AVEN: variants seen among roughly 807,000 people sequenced by gnomAD.
AVEN encodes apoptosis and caspase activation inhibitor.
In AVEN, 41 loss-of-function variants were observed where a neutral mutation model predicts 38.1. That is an observed-to-expected ratio of 1.08 (90% CI 0.84 to 1.40). The LOEUF (loss-of-function observed/expected upper bound fraction) is 1.40, where lower values mean the gene tolerates loss of function less well. Among genes scored for constraint, AVEN ranks in the 40% most tolerant of loss-of-function variants. The pLI is 0.00. For synonymous variants in AVEN, 206 were observed against 171.8 expected, an observed-to-expected ratio of 1.20 and a Z score of -1.56; for missense variants, 605 against 438.8, an observed-to-expected ratio of 1.38 and a Z score of -3.38.
intron 2 of AVEN, among the ~76,000 whole-genome samples, chr15:33,939,706 T>TG (rs1894239435): frequency 6.6e-6 from 1 of 152,220 alleles, no homozygotes; most frequent in Non-Finnish European, 1.5e-5. Context: ...TCTAAAATTC[T>TG]ATAAGCCTTC....
chr15:33,870,907 C>T (rs368621597), intron 4 of AVEN, 28 bp downstream of exon 4: 52 of 1,569,964 alleles, frequency 3.3e-5, no homozygotes, highest in African/African-American at 8.1e-5. Context: ...CTAATCCACC[C>T]GCTTCAAGAG....
rs1567382240 is a variant in AVEN, at chr15:33,866,666, T to TGGAGGTACTTGGTTGCTCA, written c.1017_1035dup (p.Lys346Ter). On this transcript the variant is annotated stop_gained and frameshift_variant, in exon 6 of 6. Coordinates refer to ENST00000306730, the MANE Select transcript of AVEN (RefSeq NM_020371.3). LOFTEE classifies it high-confidence loss of function. ...TCCAGCTCTTCCTCGGTAACATTTT[T>TGGAGGTACTTGGTTGCTCA]GGAGGTACTTGGTTGCTCAGGTTCC... 3 of 1,614,008 alleles carry TGGAGGTACTTGGTTGCTCA rather than the reference T, an allele frequency of 1.9e-6. No individual in the cohort carries two copies. Among genetic ancestry groups the TGGAGGTACTTGGTTGCTCA allele is most frequent in the Non-Finnish European group, 2.5e-6 (3 of 1,179,966 alleles).
Position 33,873,470 on chromosome 15 carries a change from T to G in AVEN, c.517-2440A>C, listed in dbSNP as rs553531877. ...GGTATAAGGAACAACAAATTACATA[T>G]ATGTGTGTGTGTACATATATATAAT... On this transcript the variant is annotated intron_variant, in intron 3 of 5. Transcript: ENST00000306730. 2.0e-5 allele frequency among the ~76,000 whole-genome samples: 3 copies of G among 148,674 alleles called. No individual in the cohort carries two copies. The South Asian group carries it at 6.3e-4, about 31-fold the overall frequency.
chr15:34,041,068 C>A (rs1597382073), upstream of AVEN, among the ~76,000 whole-genome samples: 1 of 152,042 alleles, frequency 6.6e-6, no homozygotes, highest in East Asian at 1.9e-4. Flanking sequence ...GACATTTGCA[C>A]AAATCGGAGT....
At chr15:33,931,658 C>A (rs764356420) in intron 2 of AVEN, among the ~76,000 whole-genome samples, 2 of 152,002 alleles carry the variant, frequency 1.3e-5, no homozygotes, top group Non-Finnish European at 2.9e-5. Flanking sequence ...CGTGAGCCAC[C>A]GCGCCCGGCC....
At chr15:33,965,541 C>A (rs1895352379) in intron 2 of AVEN, among the ~76,000 whole-genome samples, 1 of 151,980 alleles carries the variant, frequency 6.6e-6, no homozygotes, top group African/African-American at 2.4e-5. Context: ...CAAAAAAGGA[C>A]CTTGTAAAAG....
chr15:33,892,537 A>G (rs150952729), intron 2 of AVEN, among the ~76,000 whole-genome samples: 124,600 of 152,068 alleles, frequency 0.82, 55,147 homozygotes, highest in Non-Finnish European at 0.98. Context: ...AGATGGTTGT[A>G]GATGTGTGGT....
At chr15:34,037,181 C>A (rs970331818) in intron 1 of AVEN, among the ~76,000 whole-genome samples, 2 of 151,896 alleles carry the variant, frequency 1.3e-5, no homozygotes, top group Non-Finnish European at 2.9e-5. Flanking sequence ...AACAGAAGCA[C>A]CTTCACTCAC....
rs1899344616 is a variant in AVEN at position 34,039,199 on chromosome 15, C to T, written c.-153G>A. ...TGCGGGGCTAGGGATCGAGGCCGGC[C>T]GCAGCGGAGCGGGGCGGGGCGGGGC... On this transcript the variant is annotated 5_prime_UTR_variant, in exon 1 of 6. Transcript: ENST00000306730. 3 of 612,268 alleles carry T rather than the reference C, an allele frequency of 4.9e-6. No homozygotes were observed. Among genetic ancestry groups the T allele is most frequent in the South Asian group, 7.2e-5 (1 of 13,796 alleles). The allele number at this position is 612,268 out of a possible 1,614,324, so 37.9% of individuals were successfully genotyped here.
At chr15:33,873,836 T>C (rs1366085420) in intron 3 of AVEN, among the ~76,000 whole-genome samples, 3 of 152,294 alleles carry the variant, frequency 2.0e-5, no homozygotes, top group South Asian at 2.1e-4. Flanking sequence ...CATAGTGCCA[T>C]TGCAAATCTT....
At chr15:33,958,983 C>T (rs1486964007) in intron 2 of AVEN, among the ~76,000 whole-genome samples, 1 of 152,222 alleles carries the variant, frequency 6.6e-6, no homozygotes, top group African/African-American at 2.4e-5. Context: ...CCAGTCTCCT[C>T]TCAAGCCATT....
chr15:33,864,400 C>T (rs1889696625), downstream of AVEN, among the ~76,000 whole-genome samples: 1 of 151,288 alleles, frequency 6.6e-6, no homozygotes, highest in South Asian at 2.1e-4. Context: ...CTTATAGCTA[C>T]TGCTTCAGAC....
chr15:33,968,099 T>TAAAAAAAAAAAAAA lies in AVEN; in HGVS notation c.445+34919_445+34932dup, dbSNP rs71119906. 1.2e-4 allele frequency among the ~76,000 whole-genome samples: 3 copies of TAAAAAAAAAAAAAA among 25,848 alleles called. 1 individual carries two copies. Among genetic ancestry groups the TAAAAAAAAAAAAAA allele is most frequent in the Non-Finnish European group, 1.6e-4 (2 of 12,780 alleles). The allele number at this position is 25,848 out of a possible 152,430, so 17.0% of individuals were successfully genotyped here. A position where few individuals can be genotyped will look rare whatever the true frequency, so the allele number is the denominator to read the frequency against. On this transcript the variant is annotated intron_variant, in intron 2 of 5. Coordinates refer to ENST00000306730, the MANE Select transcript of AVEN (RefSeq NM_020371.3). ...TCTGTGAATAATGCCTAGCAAAGCTTAAAAAAAAAAAAAAAAAAAAAAAAA... is the reference window on the plus strand; with the variant it reads ...TCTGTGAATAATGCCTAGCAAAGCTTAAAAAAAAAAAAAAAAAAAAAAAAAAAAAAAAAAAAAAA...
intron 2 of AVEN, among the ~76,000 whole-genome samples, chr15:33,976,809 A>C (rs1895908073): frequency 6.6e-6 from 1 of 152,184 alleles, no homozygotes; most frequent in Admixed American, 6.5e-5. Flanking sequence ...TCAGATCCCC[A>C]GCTGAACTTT....
chr15:33,917,755 T>A (rs117848231), intron 2 of AVEN, among the ~76,000 whole-genome samples: 1,931 of 152,270 alleles, frequency 0.013, 27 homozygotes, highest in Non-Finnish European at 0.021. Flanking sequence ...AAACGTCATA[T>A]GTTCTCACTC....
At chr15:34,074,133 G>A (rs1440276762) in intron 1 of AVEN, among the ~76,000 whole-genome samples, 1 of 150,224 alleles carries the variant, frequency 6.7e-6, no homozygotes, top group African/African-American at 2.5e-5. Context: ...GAGTAGCTGG[G>A]ACCACAGGTG....
At chr15:33,951,764 T>C (rs1471472494) in intron 2 of AVEN, among the ~76,000 whole-genome samples, 7 of 152,070 alleles carry the variant, frequency 4.6e-5, no homozygotes, top group African/African-American at 1.7e-4. Flanking sequence ...ATTAACACAA[T>C]ACCATATATA....
At chr15:33,890,666 T>G (rs1359070950) in intron 2 of AVEN, among the ~76,000 whole-genome samples, 1 of 152,160 alleles carries the variant, frequency 6.6e-6, no homozygotes, top group African/African-American at 2.4e-5. Context: ...AGATCTTCAA[T>G]TAGAATTTTC....
intron 2 of AVEN, among the ~76,000 whole-genome samples, chr15:33,911,311 A>C (rs1039102174): frequency 3.9e-5 from 6 of 152,220 alleles, no homozygotes; most frequent in Admixed American, 1.3e-4. Context: ...TGAGGAACAA[A>C]GGAGAAAGAT....
Sources: allele counts gnomAD v4.1 joint callset (sites outside exome capture counted in the v4.1 genomes callset), GRCh38; gene constraint gnomAD v4.1.1; transcripts MANE v1.5; gene names NCBI Gene and HGNC (gene_info 2026-07-23, HGNC 2026-07-21).